PVT1: variants seen among roughly 807,000 people sequenced by gnomAD.
PVT1 encodes the protein CXCR4/PVT1 fusion.
intron 4 of PVT1, among the ~76,000 whole-genome samples, chr8:128,037,075 C>T (rs1586491776): frequency 6.6e-6 from 1 of 152,256 alleles, no homozygotes; most frequent in East Asian, 1.9e-4. Context: ...ACCGCCACTG[C>T]CACTGCCAGA....
At chr8:128,040,246 C>T (rs187970894) in intron 4 of PVT1, among the ~76,000 whole-genome samples, 17 of 152,280 alleles carry the variant, frequency 1.1e-4, no homozygotes, top group Admixed American at 7.2e-4. Context: ...CATTACCCTC[C>T]ACAATGTGAA....
At chr8:127,916,031 C>G (rs1481190422) in intron 3 of PVT1, among the ~76,000 whole-genome samples, 3 of 152,246 alleles carry the variant, frequency 2.0e-5, no homozygotes, top group Non-Finnish European at 4.4e-5. Flanking sequence ...CCACATCCCA[C>G]TTACAGGGGG....
At chr8:128,065,877 C>T (rs916322474) in intron 4 of PVT1, among the ~76,000 whole-genome samples, 1 of 152,242 alleles carries the variant, frequency 6.6e-6, no homozygotes, top group Non-Finnish European at 1.5e-5. Context: ...TTCACCTACT[C>T]ATTTCACAAA....
chr8:128,063,921 G>A (rs1176752883), intron 4 of PVT1, among the ~76,000 whole-genome samples: 2 of 152,100 alleles, frequency 1.3e-5, no homozygotes, highest in African/African-American at 4.8e-5. Context: ...ATTCCATAAT[G>A]TATCCACTGT....
At chr8:127,891,524 G>C (rs918227384) in intron 3 of PVT1, among the ~76,000 whole-genome samples, 1 of 152,228 alleles carries the variant, frequency 6.6e-6, no homozygotes, top group Non-Finnish European at 1.5e-5. Context: ...CACACTGCAT[G>C]CCTCCAGGCA....
chr8:127,806,675 C>T (rs1056189061), intron 2 of PVT1, among the ~76,000 whole-genome samples: 1 of 152,312 alleles, frequency 6.6e-6, no homozygotes, highest in Non-Finnish European at 1.5e-5. Context: ...CACCCAGATT[C>T]CCTCCTGTCC....
intron 3 of PVT1, among the ~76,000 whole-genome samples, chr8:127,962,060 C>T (rs577865335): frequency 4.6e-5 from 7 of 152,328 alleles, no homozygotes; most frequent in African/African-American, 1.7e-4. Context: ...CTGCAACCTC[C>T]GCCTCTGGGG....
chr8:127,858,692 T>C (rs1815187037), intron 2 of PVT1, among the ~76,000 whole-genome samples: 2 of 151,784 alleles, frequency 1.3e-5, no homozygotes, highest in Admixed American at 6.6e-5. Context: ...ATGGTGGCCA[T>C]TATAGTAGTT....
chr8:127,799,281 C>T lies in PVT1; in HGVS notation n.372+3210C>T, dbSNP rs541408131. ...GCTGTCAAGAGCTGCTGCTTCAGCCCGGCATGGTGGCTTATGCCTATAATT... is the reference window on the plus strand; with the variant it reads ...GCTGTCAAGAGCTGCTGCTTCAGCCTGGCATGGTGGCTTATGCCTATAATT... On this transcript the variant is annotated intron_variant and non_coding_transcript_variant, in intron 2 of 10. Coordinates refer to ENST00000651587, the Ensembl canonical transcript of PVT1. Among the ~76,000 whole-genome samples the T allele has an allele frequency of 1.1e-4, 16 of 152,078 alleles. 1 individual carries two copies. Among genetic ancestry groups the T allele is most frequent in the South Asian group, 2.1e-4 (1 of 4,810 alleles).
intron 3 of PVT1, among the ~76,000 whole-genome samples, chr8:127,951,047 G>A (rs1816499727): frequency 6.6e-6 from 1 of 152,176 alleles, no homozygotes; most frequent in Admixed American, 6.5e-5. Flanking sequence ...ACAGGCATGT[G>A]CCACCATGCC....
chr8:127,817,520 TCTATTTAA>T (rs1457722799), intron 2 of PVT1, among the ~76,000 whole-genome samples: 3 of 61,852 alleles, frequency 4.9e-5, no homozygotes, highest in African/African-American at 1.8e-4. Context: ...AATAGATATA[TCTATTTAA>T]ATATATATAT....
intron 5 of PVT1, among the ~76,000 whole-genome samples, chr8:128,074,302 C>T (rs990162777): frequency 4.0e-5 from 6 of 151,736 alleles, no homozygotes; most frequent in Admixed American, 6.6e-5. Context: ...GTCAGGAGTT[C>T]GAGACCAGCC....
rs552961825 is a variant in PVT1, at chr8:127,832,674, T to C, written n.372+36603T>C. Among the ~76,000 whole-genome samples the C allele has an allele frequency of 4.2e-3, 633 of 152,158 alleles. 4 individuals are homozygous for C. Among genetic ancestry groups the C allele is most frequent in the South Asian group, 0.026 (126 of 4,812 alleles). On this transcript the variant is annotated intron_variant and non_coding_transcript_variant, in intron 2 of 10. Coordinates refer to ENST00000651587, the Ensembl canonical transcript of PVT1. ...GAGATAGAGACCATCCTGGCTAACA[T>C]GGTGAAACCCCATCTCTACTAAAAA...
At chr8:128,075,494 A>G (rs751926275) in intron 5 of PVT1, among the ~76,000 whole-genome samples, 5 of 152,124 alleles carry the variant, frequency 3.3e-5, no homozygotes, top group Non-Finnish European at 7.4e-5. Flanking sequence ...GATTGCATTC[A>G]TTTCGGAAAA....
At chr8:128,035,090 A>G (rs1422635085) in intron 4 of PVT1, among the ~76,000 whole-genome samples, 2 of 152,226 alleles carry the variant, frequency 1.3e-5, no homozygotes, top group Non-Finnish European at 2.9e-5. Context: ...GCAAGGATCC[A>G]GTTATTTGCA....
chr8:127,799,001 T>C (rs1814431308), intron 2 of PVT1, among the ~76,000 whole-genome samples: 1 of 152,198 alleles, frequency 6.6e-6, no homozygotes, highest in East Asian at 1.9e-4. Flanking sequence ...ACAAAAACAA[T>C]GTCAGGTCAT....
intron 3 of PVT1, among the ~76,000 whole-genome samples, chr8:127,982,730 T>G (rs753641717): frequency 1.6e-4 from 24 of 151,988 alleles, no homozygotes; most frequent in Non-Finnish European, 2.8e-4. Context: ...CAAAACTTTT[T>G]GAATCAGTAA....
chr8:128,028,177 C>G (rs533865891), intron 4 of PVT1, among the ~76,000 whole-genome samples: 1 of 152,400 alleles, frequency 6.6e-6, no homozygotes, highest in South Asian at 2.1e-4. Context: ...CCTTGACAGG[C>G]AGCCAACCAA....
rs961464966 is a variant in PVT1, at chr8:128,092,734, C to G, written n.1115-3784C>G. Among the ~76,000 whole-genome samples, 9 of 152,068 alleles carry G rather than the reference C, an allele frequency of 5.9e-5. 1 individual carries two copies. The highest frequency in any genetic ancestry group is 1.3e-4 in the Non-Finnish European group (9 of 68,014). The stretch of plus-strand genomic sequence containing the variant: ...AAGCCTTGAGAGAGGCAGAGACTGG[C>G]CAGCCTCACCCTGCATTCCCAATCC... On this transcript the variant is annotated intron_variant and non_coding_transcript_variant, in intron 5 of 10. Coordinates refer to ENST00000651587, the Ensembl canonical transcript of PVT1.
Sources: allele counts gnomAD v4.1 joint callset (sites outside exome capture counted in the v4.1 genomes callset), GRCh38; gene constraint gnomAD v4.1.1; transcripts MANE v1.5; gene names NCBI Gene and HGNC (gene_info 2026-07-23, HGNC 2026-07-21).